Variants in PTCD2 observed in about 807,000 individuals in gnomAD.
The protein encoded by PTCD2 is pentatricopeptide repeat-containing protein 2, mitochondrial.
Under a neutral mutation model 42.6 loss-of-function variants are expected in PTCD2, and 31 were observed. The observed-to-expected ratio is 0.73, with a 90% CI of 0.55 to 0.98. The LOEUF (loss-of-function observed/expected upper bound fraction) is 0.98, where lower values mean the gene tolerates loss of function less well. Ranked by LOEUF, PTCD2 falls within the 50% of genes least tolerant of loss-of-function variation. The pLI, the probability that PTCD2 is intolerant of heterozygous loss-of-function variation, is 0.00. For synonymous variants in PTCD2, 183 were observed against 170.9 expected, an observed-to-expected ratio of 1.07 and a Z score of -0.55; for missense variants, 476 against 454.8, an observed-to-expected ratio of 1.05 and a Z score of -0.42.
rs1239425485 is a variant in PTCD2, at chr5:72,326,541, C to A, written c.221-71C>A. The A allele has an allele frequency of 2.6e-6, 4 of 1,565,132 alleles. No homozygotes were observed. In the African/African-American group the frequency reaches 5.4e-5, roughly 21 times the overall value. On this transcript the variant is annotated intron_variant, in intron 2 of 9. Coordinates refer to ENST00000380639, the MANE Select transcript of PTCD2 (RefSeq NM_024754.5). ...GTGAGCCGGGGTTGGGCTTCCCCAT[C>A]TTCCTGAGGTCAGACTCCTTATACT... is the stretch of plus-strand genomic sequence containing the variant.
chr5:72,334,813 T>C (rs1170351823), intron 4 of PTCD2, among the ~76,000 whole-genome samples: 1 of 152,164 alleles, frequency 6.6e-6, no homozygotes, highest in Non-Finnish European at 1.5e-5. Context: ...GCTCCCAAAG[T>C]GCTGAGATTA....
In PTCD2 at chr5:72,332,787, G is replaced by A. The variant is rs553652252; in HGVS notation, c.468+1412G>A. 3.9e-5 allele frequency among the ~76,000 whole-genome samples: 6 copies of A among 152,268 alleles called. No individual in the cohort carries two copies. In the South Asian group the frequency reaches 6.2e-4, roughly 16 times the overall value. On this transcript the variant is annotated intron_variant, in intron 4 of 9. Transcript: ENST00000380639. Reference sequence around the variant, plus strand: ...TCTCTTGTTCCCTACTTACAACCCTGTAGTGTTGCCAGCATGGTAGCCACA... The same window carrying A: ...TCTCTTGTTCCCTACTTACAACCCTATAGTGTTGCCAGCATGGTAGCCACA...
chr5:72,367,401 C>T lies in PTCD2; in HGVS notation c.*8974C>T, dbSNP rs192453855. ...TCGATAGATACATTCTTGAAAACCA[C>T]CCAAAGTACCTAGAGGAGACCCTAG... On this transcript the variant is annotated 3_prime_UTR_variant, in exon 10 of 10. Coordinates refer to ENST00000380639, the MANE Select transcript of PTCD2 (RefSeq NM_024754.5). 6.6e-6 allele frequency: 1 copy of T among 152,280 alleles called. No individual in the cohort carries two copies. Among genetic ancestry groups the T allele is most frequent in the African/African-American group, 2.4e-5 (1 of 41,546 alleles). The allele number at this position is 152,280 out of a possible 1,614,324, so 9.4% of individuals were successfully genotyped here.
chr5:72,356,199 T>C (rs1752866232), intron 9 of PTCD2, among the ~76,000 whole-genome samples: 1 of 152,228 alleles, frequency 6.6e-6, no homozygotes, highest in Admixed American at 6.5e-5. Context: ...GAAATCCAAC[T>C]TCCATTTTCT....
Position 72,368,350 on chromosome 5 carries a change from C to T in PTCD2, c.*9923C>T, listed in dbSNP as rs1342357089. ...CAAGCTGGACTAAATGGGCCATGTG[C>T]AATTTTGCTGTCTGTTCACATTTCA... is the stretch of plus-strand genomic sequence containing the variant. On this transcript the variant is annotated 3_prime_UTR_variant, in exon 10 of 10. Coordinates refer to ENST00000380639, the MANE Select transcript of PTCD2 (RefSeq NM_024754.5). 2.6e-5 allele frequency: 4 copies of T among 152,262 alleles called. No homozygotes were observed. In the East Asian group the frequency reaches 7.7e-4, roughly 29 times the overall value. The allele number at this position is 152,262 out of a possible 1,614,324, so 9.4% of individuals were successfully genotyped here. A position where few individuals can be genotyped will look rare whatever the true frequency, so the allele number is the denominator to read the frequency against.
intron 7 of PTCD2, 109 bp from the exon 8 acceptor site, chr5:72,342,853 C>T: frequency 2.0e-6 from 1 of 500,074 alleles, no homozygotes; most frequent in Non-Finnish European, 3.4e-6. Context: ...TTGTGGACTT[C>T]AAAACCCTGA....
At chr5:72,334,400 C>A (rs1012773136) in intron 4 of PTCD2, among the ~76,000 whole-genome samples, 1 of 152,188 alleles carries the variant, frequency 6.6e-6, no homozygotes, top group Non-Finnish European at 1.5e-5. Context: ...GACCACTCTG[C>A]CAGGGTTAAC....
At chr5:72,347,049 C>CT (rs1438401365) in intron 8 of PTCD2, among the ~76,000 whole-genome samples, 1 of 152,158 alleles carries the variant, frequency 6.6e-6, no homozygotes. Flanking sequence ...TTATACAACT[C>CT]TATCAAAACA....
intron 4 of PTCD2, among the ~76,000 whole-genome samples, chr5:72,333,903 G>A (rs1751578018): frequency 6.6e-6 from 1 of 152,136 alleles, no homozygotes; most frequent in African/African-American, 2.4e-5. Context: ...ACCTAAGCGG[G>A]AATACAGTGG....
chr5:72,320,797 C>A, intron 1 of PTCD2: 1 of 385,918 alleles, frequency 2.6e-6, no homozygotes, highest in Non-Finnish European at 4.7e-6. Flanking sequence ...CCTTGGGTGA[C>A]TTTTATTTAT....
rs1256900946 is a variant in PTCD2, at chr5:72,361,100, C to G, written c.*2673C>G. ...CTGTAGATATCTGTTGCTCCAGAGT[C>G]CCAGAAATCAGTATGATGAGTTCAG... On this transcript the variant is annotated 3_prime_UTR_variant, in exon 10 of 10. Transcript: ENST00000380639. 6.6e-6 allele frequency: 1 copy of G among 152,082 alleles called. No individual in the cohort carries two copies. Among genetic ancestry groups the G allele is most frequent in the African/African-American group, 2.4e-5 (1 of 41,398 alleles). 9.4% of individuals were successfully genotyped at this position (152,082 alleles called of 1,614,324 possible). A position where few individuals can be genotyped will look rare whatever the true frequency, so the allele number is the denominator to read the frequency against.
chr5:72,334,541 A>G (rs1005636241), intron 4 of PTCD2, among the ~76,000 whole-genome samples: 24 of 135,002 alleles, frequency 1.8e-4, no homozygotes, highest in Non-Finnish European at 3.4e-4. Context: ...ACAGCATTTT[A>G]ACTTTTTTCT....
At chr5:72,350,508 T>C (rs538983160) in intron 8 of PTCD2, among the ~76,000 whole-genome samples, 1 of 152,344 alleles carries the variant, frequency 6.6e-6, no homozygotes, top group South Asian at 2.1e-4. Context: ...CTGTGTTTGT[T>C]GTCCACAAAC....
At chr5:72,329,060 C>T (rs1222721589) in intron 3 of PTCD2, among the ~76,000 whole-genome samples, 2 of 152,184 alleles carry the variant, frequency 1.3e-5, no homozygotes, top group African/African-American at 4.8e-5. Flanking sequence ...GGCATGTTTT[C>T]CTCTCATTTT....
chr5:72,327,470 C>CTG (rs1402041558), intron 3 of PTCD2, among the ~76,000 whole-genome samples: 1 of 135,904 alleles, frequency 7.4e-6, no homozygotes, highest in African/African-American at 3.2e-5. Context: ...TCTTTTTAAA[C>CTG]TATTTTTTTT....
chr5:72,358,088 C>G (rs1017782122), intron 9 of PTCD2, 115 bp from the exon 10 acceptor site: 2 of 941,840 alleles, frequency 2.1e-6, no homozygotes, highest in Non-Finnish European at 3.2e-6. Context: ...CATGGGCCAC[C>G]TCGCCTGGCC....
In PTCD2 at chr5:72,322,640, A is replaced by G. The variant is rs115864666; in HGVS notation, c.220+376A>G. ...CATTCATATGCACAATAAAGTTTAAAAACTTCAGATGATTGGCTTTCAAAC... is the reference window on the plus strand; with the variant it reads ...CATTCATATGCACAATAAAGTTTAAGAACTTCAGATGATTGGCTTTCAAAC... On this transcript the variant is annotated intron_variant, in intron 2 of 9. Coordinates refer to ENST00000380639, the MANE Select transcript of PTCD2 (RefSeq NM_024754.5). 3.7e-3 allele frequency among the ~76,000 whole-genome samples: 565 copies of G among 152,352 alleles called. 1 individual carries two copies. Among genetic ancestry groups the G allele is most frequent in the African/African-American group, 0.013 (549 of 41,580 alleles).
chr5:72,330,086 C>T (rs1751365504), intron 3 of PTCD2, among the ~76,000 whole-genome samples: 1 of 151,716 alleles, frequency 6.6e-6, no homozygotes, highest in East Asian at 1.9e-4. Flanking sequence ...GCGCCCGCCA[C>T]CACGCCCGGC....
chr5:72,324,943 G>A (rs1751060228), intron 2 of PTCD2, among the ~76,000 whole-genome samples: 1 of 150,060 alleles, frequency 6.7e-6, no homozygotes, highest in Non-Finnish European at 1.5e-5. Context: ...TTTTTTCTGA[G>A]ACAGAGTCTT....
Sources: allele counts gnomAD v4.1 joint callset (sites outside exome capture counted in the v4.1 genomes callset), GRCh38; gene constraint gnomAD v4.1.1; transcripts MANE v1.5; gene names NCBI Gene and HGNC (gene_info 2026-07-23, HGNC 2026-07-21).